Variants in MBP observed in about 807,000 individuals in gnomAD.
MBP encodes the protein Golli-MBP.
MBP carries 16 observed loss-of-function variants against 35.8 expected under a neutral mutation model. The ratio of observed to expected loss-of-function variants is 0.45; its 90% CI spans 0.30 to 0.68. MBP has a LOEUF of 0.68. Among genes scored for constraint, MBP ranks in the 30% least tolerant of loss-of-function variants. The probability of loss-of-function intolerance (pLI) is 0.08; values close to 1 mark genes in which losing one functional copy is unlikely to be tolerated. For missense variants in MBP, 380 were observed against 404.7 expected (o/e 0.94, Z 0.52); for synonymous variants, 143 against 159.6 (o/e 0.90, Z 0.78).
At position 77,016,104 on chromosome 18, in the gene MBP, T is replaced by A. The variant is rs568334122; in HGVS notation, c.576+728A>T. 1.2e-4 allele frequency: 114 copies of A among 984,906 alleles called. No homozygotes were observed. The African/African-American group carries it at 1.9e-3, about 16-fold the overall frequency. 61.0% of individuals were successfully genotyped at this position (984,906 alleles called of 1,614,324 possible). On this transcript the variant is annotated intron_variant, in intron 4 of 8. Transcript: ENST00000355994. ...GAACCAGCAGCCACAGGTTCTCCAC[T>A]GACAATCAACTGCAGAAACCACTCC...
chr18:76,999,330 G>A (rs1970505944), intron 4 of MBP, among the ~76,000 whole-genome samples: 1 of 152,108 alleles, frequency 6.6e-6, no homozygotes, highest in Non-Finnish European at 1.5e-5. Flanking sequence ...CGCTTCCCCC[G>A]TCAACCCCAT....
chr18:77,040,367 A>G (rs1767779601), intron 3 of MBP, among the ~76,000 whole-genome samples: 2 of 152,346 alleles, frequency 1.3e-5, no homozygotes, highest in South Asian at 4.1e-4. Context: ...AAGGTAATTT[A>G]TAGATTCAAT....
chr18:77,063,919 TG>T (rs1974087609), intron 3 of MBP, among the ~76,000 whole-genome samples: 1 of 149,010 alleles, frequency 6.7e-6, no homozygotes, highest in Non-Finnish European at 1.5e-5. Flanking sequence ...TGTGTGTGTG[TG>T]TGTATGTGTG....
chr18:77,009,840 G>C, intron 4 of MBP: 1 of 1,574,112 alleles, frequency 6.4e-7, no homozygotes, highest in Non-Finnish European at 8.6e-7. Context: ...GGACCCGCCG[G>C]CGTCTTACCT....
intron 2 of MBP, among the ~76,000 whole-genome samples, chr18:77,085,266 CTG>C (rs1975174007): frequency 6.6e-6 from 1 of 151,986 alleles, no homozygotes; most frequent in Non-Finnish European, 1.5e-5. Flanking sequence ...CTGTATTGAA[CTG>C]TGTCCTATAA....
At position 77,102,716 on chromosome 18, in the gene MBP, CTG is replaced by C. The variant is rs1976086409; in HGVS notation, c.51+2493_51+2494del. Reference sequence around the variant, plus strand: ...ACAGCGTCAAACAACAGGAAAGAAACTGTACACCACAGAGAGGTTTCTTGAAA... The same window carrying C: ...ACAGCGTCAAACAACAGGAAAGAAACTACACCACAGAGAGGTTTCTTGAAA... On this transcript the variant is annotated intron_variant, in intron 2 of 8. Coordinates refer to ENST00000355994, the MANE Select transcript of MBP (RefSeq NM_001025101.2). This position sits in a 1 kb window ranked among gnomAD's most constrained non-coding sequence, Gnocchi z 4.4. Among the ~76,000 whole-genome samples the C allele has an allele frequency of 6.6e-6, 1 of 152,160 alleles. No homozygotes were observed. The highest frequency in any genetic ancestry group is 2.4e-5 in the African/African-American group (1 of 41,444).
In MBP at chr18:76,989,770, C is replaced by T. The variant is rs867667506; in HGVS notation, c.681+186G>A. The stretch of plus-strand genomic sequence containing the variant: ...CGCACGGTGCAATCCGTGGCAGATA[C>T]AGTCGGGAAGCGCTTGCCTGGAACT... On this transcript the variant is annotated intron_variant, in intron 5 of 8. Coordinates refer to ENST00000355994, the MANE Select transcript of MBP (RefSeq NM_001025101.2). This position sits in a 1 kb window ranked among gnomAD's most constrained non-coding sequence, Gnocchi z 4.0. 3 of 592,670 alleles carry T rather than the reference C, an allele frequency of 5.1e-6. No individual in the cohort carries two copies. The highest frequency in any genetic ancestry group is 3.7e-5 in the African/African-American group (2 of 53,624). 36.7% of individuals were successfully genotyped at this position (592,670 alleles called of 1,614,324 possible). A position where few individuals can be genotyped will look rare whatever the true frequency, so the allele number is the denominator to read the frequency against.
chr18:77,105,346 G>A lies in MBP; in HGVS notation c.-25-60C>T, dbSNP rs1273939281. ...TAGTGCTCTTAGAGTTTTCGATGTT[G>A]TTTTTCCATCAGAAAGACAATCCTG... is the stretch of plus-strand genomic sequence containing the variant. On this transcript the variant is annotated intron_variant, in intron 1 of 8. Transcript: ENST00000355994. 5 of 1,088,728 alleles carry A rather than the reference G, an allele frequency of 4.6e-6. No individual in the cohort carries two copies. In the African/African-American group the frequency reaches 6.2e-5, roughly 14 times the overall value. 67.4% of individuals were successfully genotyped at this position (1,088,728 alleles called of 1,614,324 possible).
chr18:77,132,215 C>G (rs1169646413), intron 1 of MBP, among the ~76,000 whole-genome samples: 2 of 152,166 alleles, frequency 1.3e-5, no homozygotes, highest in Non-Finnish European at 2.9e-5. Flanking sequence ...ACCGCCGGGC[C>G]TGGCTGGAGT....
chr18:76,986,066 C>G (rs1246183755), intron 7 of MBP: 13 of 985,560 alleles, frequency 1.3e-5, no homozygotes, highest in Non-Finnish European at 1.6e-5. Flanking sequence ...CTGTGGGAGT[C>G]TGGGCGCGGT....
chr18:77,099,805 G>A (rs902969523), intron 2 of MBP, among the ~76,000 whole-genome samples: 6 of 152,212 alleles, frequency 3.9e-5, no homozygotes, highest in African/African-American at 1.4e-4. Flanking sequence ...CCGCCAGCTG[G>A]GGCCTGTGGC....
At chr18:77,017,422 C>T in intron 3 of MBP, 154 bp from the exon 4 acceptor site, 1 of 554,908 alleles carries the variant, frequency 1.8e-6, no homozygotes, top group Admixed American at 3.8e-5. Flanking sequence ...ATGGAGCTAA[C>T]CTGGATGGAG....
chr18:77,066,402 C>T lies in MBP; in HGVS notation c.52-17G>A, dbSNP rs1974201209. The stretch of plus-strand genomic sequence containing the variant: ...TTCACTATTCTGGAAAAAGAAAACA[C>T]AACAAACCCTTTTCTTAAGATAAAT... On this transcript the variant is annotated splice_polypyrimidine_tract_variant and intron_variant, in intron 2 of 8. Coordinates refer to ENST00000355994, the MANE Select transcript of MBP (RefSeq NM_001025101.2). The T allele has an allele frequency of 1.4e-5, 20 of 1,436,238 alleles. No individual in the cohort carries two copies. Among genetic ancestry groups the T allele is most frequent in the Non-Finnish European group, 2.0e-5 (20 of 1,019,618 alleles). The allele number at this position is 1,436,238 out of a possible 1,614,324, so 89.0% of individuals were successfully genotyped here. A position where few individuals can be genotyped will look rare whatever the true frequency, so the allele number is the denominator to read the frequency against.
chr18:77,125,768 A>G (rs143880671), intron 1 of MBP, among the ~76,000 whole-genome samples: 2,462 of 152,022 alleles, frequency 0.016, 35 homozygotes, highest in Middle Eastern at 0.044. Flanking sequence ...CAAAACTTTT[A>G]CTCGATAAAA....
At chr18:77,007,648 ACACACACG>A (rs1340726195) in intron 4 of MBP, among the ~76,000 whole-genome samples, 1 of 151,946 alleles carries the variant, frequency 6.6e-6, no homozygotes, top group Non-Finnish European at 1.5e-5. Flanking sequence ...CCCCACACAA[ACACACACG>A]CACACACACC....
chr18:77,025,357 C>G (rs990863157), intron 3 of MBP, among the ~76,000 whole-genome samples: 3 of 152,174 alleles, frequency 2.0e-5, no homozygotes, highest in African/African-American at 7.2e-5. Context: ...TCTGATCTGT[C>G]GGGAGCCAAG....
Position 76,988,319 on chromosome 18 carries a change from C to G in MBP, c.750+176G>C, listed in dbSNP as rs778610173. 4 of 1,576,944 alleles carry G rather than the reference C, an allele frequency of 2.5e-6. No individual in the cohort carries two copies. The South Asian group carries it at 3.5e-5, about 14-fold the overall frequency. On this transcript the variant is annotated intron_variant, in intron 7 of 8. Coordinates refer to ENST00000355994, the MANE Select transcript of MBP (RefSeq NM_001025101.2). The surrounding 1 kb of genome is among the most constrained non-coding windows in gnomAD (Gnocchi z 5.2). ...CCAGACCTTCCGGAAGGGAAGACCA[C>G]GTTTCATTTCCCCAGTGGAAGACAA...
chr18:77,084,201 T>A (rs1789134), intron 2 of MBP, among the ~76,000 whole-genome samples: 1 of 151,826 alleles, frequency 6.6e-6, no homozygotes, highest in Non-Finnish European at 1.5e-5. Context: ...GAGATCATTT[T>A]GTAGTGTAAT....
chr18:77,017,732 C>T (rs1399979332), intron 3 of MBP: 1 of 153,332 alleles, frequency 6.5e-6, no homozygotes, highest in African/African-American at 2.4e-5. Flanking sequence ...AAACTTGCCA[C>T]ATCTTTTTGC....
Sources: gnomAD v4.1 joint callset for allele counts (sites outside exome capture counted in the v4.1 genomes callset) on GRCh38, gnomAD v4.1.1 for gene constraint, Gnocchi (gnomAD v3.1) non-coding constraint, MANE v1.5 for transcripts, NCBI Gene and HGNC (gene_info 2026-07-23, HGNC 2026-07-21) for gene names.